The following MLF1 variants were observed in gnomAD, a reference collection of about 807,000 sequenced individuals.
MLF1 encodes myelodysplasia-myeloid leukemia factor 1.
MLF1 carries 37 observed loss-of-function variants against 38.3 expected under a neutral mutation model. The observed-to-expected ratio is 0.96, with a 90% CI of 0.74 to 1.27. The LOEUF (loss-of-function observed/expected upper bound fraction) is 1.27, where lower values mean the gene tolerates loss of function less well. Among genes scored for constraint, MLF1 ranks in the 50% most tolerant of loss-of-function variants. The pLI is 0.00. For synonymous variants in MLF1, 95 were observed against 106.5 expected, an observed-to-expected ratio of 0.89 and a Z score of 0.66; for missense variants, 331 against 349.2, an observed-to-expected ratio of 0.95 and a Z score of 0.42.
Position 158,592,509 on chromosome 3 carries a change from G to A in MLF1, c.123G>A (p.Leu41=), listed in dbSNP as rs2108618359. 1 of 1,612,322 alleles carries A rather than the reference G, an allele frequency of 6.2e-7. No homozygotes were observed. Among genetic ancestry groups the A allele is most frequent in the East Asian group, 2.2e-5 (1 of 44,750 alleles). ...TTTCTGAACCCTTTGGAAGAGACTT[G>A]CTCAGTATCTCTGATGGTAGAGGGA... ...RSFSEPFGRD[L]LSISDGRGRA... The change falls in exon 2 of 8, where the codon TTG becomes TTA. Residue 41 remains leucine, a synonymous_variant. Transcript: ENST00000466246.
rs188500446 is a variant in MLF1 at position 158,595,080 on chromosome 3, G to T, written c.240+1654G>T. ...TAGACAAAATCGCCCTGCCCTCAGA[G>T]ATTATTTTTATAAAGTGGGAAGATA... On this transcript the variant is annotated intron_variant, in intron 3 of 7. Transcript: ENST00000466246. 1.6e-3 allele frequency among the ~76,000 whole-genome samples: 240 copies of T among 152,216 alleles called. 1 individual carries two copies. Among genetic ancestry groups the T allele is most frequent in the South Asian group, 3.3e-3 (16 of 4,822 alleles).
intron 1 of MLF1, among the ~76,000 whole-genome samples, chr3:158,581,600 A>G (rs1470844385): frequency 2.0e-5 from 3 of 152,158 alleles, no homozygotes; most frequent in Non-Finnish European, 4.4e-5. Flanking sequence ...TTACCACTAC[A>G]TTACTAAAGG....
At chr3:158,581,463 C>T (rs1716344857) in intron 1 of MLF1, among the ~76,000 whole-genome samples, 1 of 152,170 alleles carries the variant, frequency 6.6e-6, no homozygotes, top group Non-Finnish European at 1.5e-5. Context: ...CCAGCTCCTC[C>T]AGCCATGTTA....
intron 1 of MLF1, among the ~76,000 whole-genome samples, chr3:158,579,835 A>G (rs1222002341): frequency 6.6e-6 from 1 of 152,222 alleles, no homozygotes; most frequent in Non-Finnish European, 1.5e-5. Flanking sequence ...ATATATTAAT[A>G]GGAACAAGCA....
intron 4 of MLF1, among the ~76,000 whole-genome samples, 194 bp from the exon 5 acceptor site, chr3:158,597,886 G>C (rs1719123285): frequency 6.6e-6 from 1 of 152,068 alleles, no homozygotes. Flanking sequence ...ACCCTCTAGG[G>C]GTGACTTTTT....
intron 1 of MLF1, 96 bp from the exon 2 acceptor site, chr3:158,592,338 A>T: frequency 9.3e-7 from 1 of 1,073,720 alleles, no homozygotes; most frequent in Non-Finnish European, 1.3e-6. Flanking sequence ...TCTAACAAAC[A>T]TATTAGCCCA....
chr3:158,581,656 C>A (rs116329439), intron 1 of MLF1, among the ~76,000 whole-genome samples: 1 of 152,062 alleles, frequency 6.6e-6, no homozygotes, highest in African/African-American at 2.4e-5. Flanking sequence ...GTACTACTTT[C>A]AACAAAATAT....
rs1720356279 is a variant in MLF1 at position 158,605,144 on chromosome 3, A to T, written c.794A>T (p.Asn265Ile). 1 of 1,613,918 alleles carries T rather than the reference A, an allele frequency of 6.2e-7. No individual in the cohort carries two copies. The highest frequency in any genetic ancestry group is 8.5e-7 in the Non-Finnish European group (1 of 1,179,930). ...GCCATTGAACATGGAAGGAGATCAA[A>T]TGTTTTGGGGGACAAACTCCACATC... ...SPAIEHGRRS[N>I]VLGDKLHIKG... Residue 265 changes from asparagine (N) to isoleucine (I), a missense_variant, in exon 8 of 8, where the codon AAT becomes ATT. Coordinates refer to ENST00000466246, the MANE Select transcript of MLF1 (RefSeq NM_001369783.1).
intron 7 of MLF1, among the ~76,000 whole-genome samples, chr3:158,603,746 G>A (rs1278143706): frequency 2.0e-5 from 3 of 152,120 alleles, no homozygotes; most frequent in Non-Finnish European, 4.4e-5. Flanking sequence ...GGCTAAGGCA[G>A]GAGAATTGCT....
chr3:158,598,310 TG>T (rs935153188), intron 5 of MLF1, 102 bp downstream of exon 5: 181 of 612,904 alleles, frequency 3.0e-4, no homozygotes, highest in Non-Finnish European at 3.8e-4. Flanking sequence ...TACAAGATGG[TG>T]GGGGGACAGG....
At chr3:158,586,367 G>A (rs1717266984) in intron 1 of MLF1, among the ~76,000 whole-genome samples, 1 of 152,080 alleles carries the variant, frequency 6.6e-6, no homozygotes, top group Non-Finnish European at 1.5e-5. Flanking sequence ...TACACTAGAT[G>A]TAGGAAGATG....
intron 2 of MLF1, among the ~76,000 whole-genome samples, chr3:158,593,096 C>G (rs1176958618): frequency 1.3e-5 from 2 of 151,448 alleles, no homozygotes; most frequent in African/African-American, 2.4e-5. Context: ...TATGTCTTGC[C>G]TTAGAGCAAA....
intron 1 of MLF1, among the ~76,000 whole-genome samples, chr3:158,578,523 C>T (rs961885868): frequency 1.3e-5 from 2 of 151,950 alleles, no homozygotes; most frequent in African/African-American, 2.4e-5. Flanking sequence ...CACACACACA[C>T]ACACACGTAC....
intron 3 of MLF1, among the ~76,000 whole-genome samples, chr3:158,596,326 G>A (rs1381925245): frequency 3.3e-5 from 5 of 152,078 alleles, no homozygotes; most frequent in Non-Finnish European, 7.4e-5. Flanking sequence ...TATTAGTAAA[G>A]TGAATTGATT....
At chr3:158,595,910 T>C (rs1718807511) in intron 3 of MLF1, among the ~76,000 whole-genome samples, 1 of 152,194 alleles carries the variant, frequency 6.6e-6, no homozygotes, top group South Asian at 2.1e-4. Context: ...AATGTGTGCC[T>C]GACTTTTATT....
chr3:158,586,260 A>G (rs548595820), intron 1 of MLF1, among the ~76,000 whole-genome samples: 8 of 152,204 alleles, frequency 5.3e-5, no homozygotes, highest in South Asian at 2.1e-4. Flanking sequence ...CAATTTTGAT[A>G]CATTAAAAAA....
chr3:158,583,889 CTTTCA>C (rs1054997863), intron 1 of MLF1, among the ~76,000 whole-genome samples: 2 of 152,110 alleles, frequency 1.3e-5, no homozygotes, highest in African/African-American at 4.8e-5. Context: ...CTTGAGGAGA[CTTTCA>C]TTTCTACTGT....
At chr3:158,598,316 GACAGGA>G in intron 5 of MLF1, 108 bp downstream of exon 5, 1 of 853,768 alleles carries the variant, frequency 1.2e-6, no homozygotes, top group Non-Finnish European at 1.7e-6. Flanking sequence ...ATGGTGGGGG[GACAGGA>G]GGGAGGTGTG....
At chr3:158,591,944 A>G (rs572543704) in intron 1 of MLF1, among the ~76,000 whole-genome samples, 1 of 152,326 alleles carries the variant, frequency 6.6e-6, no homozygotes, top group African/African-American at 2.4e-5. Context: ...CTTAACGATA[A>G]GATTACATTC....
Sources: allele counts gnomAD v4.1 joint callset (sites outside exome capture counted in the v4.1 genomes callset), GRCh38; gene constraint gnomAD v4.1.1; transcripts MANE v1.5; gene names NCBI Gene and HGNC (gene_info 2026-07-23, HGNC 2026-07-21).